Variants in SYNJ2 observed in about 807,000 individuals in gnomAD.
SYNJ2 encodes the protein polyphosphatidylinositol phosphatase SYNJ2.
A neutral mutation model predicts 141.3 loss-of-function variants in SYNJ2; 116 were observed. The observed-to-expected ratio is 0.82, with a 90% CI of 0.71 to 0.96. The LOEUF is 0.96. SYNJ2 is among the 40% of genes least tolerant of loss of function. SYNJ2 has a pLI of 0.00. For missense variants in SYNJ2, 1,873 were observed against 1,934.8 expected (o/e 0.97, Z 0.60); for synonymous variants, 745 against 777.7 (o/e 0.96, Z 0.70).
intron 8 of SYNJ2, 121 bp from the exon 9 acceptor site, chr6:158,063,670 A>AC (rs1781367767): frequency 6.2e-6 from 3 of 483,616 alleles, no homozygotes; most frequent in South Asian, 5.8e-5. Context: ...AAAAAAAAAA[A>AC]AAAAAAAAAA....
chr6:158,067,500 T>C, intron 12 of SYNJ2: 1 of 985,486 alleles, frequency 1.0e-6, no homozygotes, highest in Non-Finnish European at 1.2e-6. Context: ...CCCCAGAACT[T>C]AGGATCTGAA....
intron 5 of SYNJ2, among the ~76,000 whole-genome samples, chr6:158,049,473 C>T (rs1459758738): frequency 1.3e-5 from 2 of 152,146 alleles, no homozygotes; most frequent in African/African-American, 2.4e-5. Context: ...GGGTGAGCTC[C>T]GGAGAGAACA....
chr6:158,083,300 G>C, intron 20 of SYNJ2, 129 bp from the exon 21 acceptor site: 2 of 1,141,962 alleles, frequency 1.8e-6, no homozygotes, highest in South Asian at 1.6e-5. Context: ...CTGGACCCTT[G>C]GTTTTTCAGG....
intron 5 of SYNJ2, among the ~76,000 whole-genome samples, chr6:158,044,552 G>A (rs1298072848): frequency 6.6e-6 from 1 of 152,222 alleles, no homozygotes; most frequent in Non-Finnish European, 1.5e-5. Context: ...CCTGAGGACA[G>A]CTGTGACACA....
intron 1 of SYNJ2, among the ~76,000 whole-genome samples, chr6:158,002,599 G>A (rs1027339907): frequency 2.6e-5 from 4 of 152,232 alleles, no homozygotes; most frequent in African/African-American, 7.2e-5. Flanking sequence ...AGGCAGTGCA[G>A]CATGGAAGCC....
At chr6:158,000,078 T>A (rs1173140808) in intron 1 of SYNJ2, among the ~76,000 whole-genome samples, 4 of 53,684 alleles carry the variant, frequency 7.5e-5, no homozygotes, top group Admixed American at 1.5e-4. Context: ...TTTTTTTTTT[T>A]TTTTTTTTTT....
rs1781562840 is a variant in SYNJ2, at chr6:158,066,347, A to C, written c.1526-97A>C. On this transcript the variant is annotated intron_variant, in intron 11 of 26. Transcript: ENST00000355585. ...CCTGGTTTATCTCTAGAGGCTCATG[A>C]ACCATCTGTCTCTGCCAGGCAGCCT... The C allele has an allele frequency of 4.3e-6, 6 of 1,402,484 alleles. No homozygotes were observed. The South Asian group carries it at 7.5e-5, about 18-fold the overall frequency. The allele number at this position is 1,402,484 out of a possible 1,614,324, so 86.9% of individuals were successfully genotyped here.
chr6:158,057,040 A>G (rs1780908650), intron 6 of SYNJ2, among the ~76,000 whole-genome samples: 1 of 151,748 alleles, frequency 6.6e-6, no homozygotes, highest in Non-Finnish European at 1.5e-5. Context: ...TCCTCACAGG[A>G]CAGTGAACCC....
In SYNJ2 at chr6:157,982,601, C is replaced by T. The variant is rs916019093; in HGVS notation, c.127+513C>T. Among the ~76,000 whole-genome samples, 4 of 152,208 alleles carry T rather than the reference C, an allele frequency of 2.6e-5. No individual in the cohort carries two copies. The highest frequency in any genetic ancestry group is 5.9e-5 in the Non-Finnish European group (4 of 68,050). The stretch of plus-strand genomic sequence containing the variant: ...ACTTGGTCGAGAAGCATCGGTGCTG[C>T]AATTTATAGAACTTGTAAACAAATA... On this transcript the variant is annotated intron_variant, in intron 1 of 26. Transcript: ENST00000355585. The surrounding 1 kb of genome is among the most constrained non-coding windows in gnomAD (Gnocchi z 4.0).
intron 11 of SYNJ2, 66 bp from the exon 12 acceptor site, chr6:158,066,378 G>C (rs1781565817): frequency 2.5e-6 from 4 of 1,579,846 alleles, no homozygotes; most frequent in Admixed American, 3.4e-5. Context: ...AGCCTCATCT[G>C]TCTTTTTGGA....
intron 1 of SYNJ2, among the ~76,000 whole-genome samples, chr6:157,997,949 G>T (rs1777696700): frequency 6.6e-6 from 1 of 152,258 alleles, no homozygotes; most frequent in South Asian, 2.1e-4. Flanking sequence ...GATGACTTCA[G>T]TCGGTCAGAG....
intron 2 of SYNJ2, among the ~76,000 whole-genome samples, chr6:158,023,103 C>G (rs2128331940): frequency 6.6e-6 from 1 of 152,064 alleles, no homozygotes; most frequent in African/African-American, 2.4e-5. Context: ...ATGGTATCTA[C>G]AGCACCATGC....
intron 21 of SYNJ2, 27 bp from the exon 22 acceptor site, chr6:158,083,974 G>A (rs752914320): frequency 1.9e-5 from 31 of 1,612,994 alleles, no homozygotes; most frequent in Admixed American, 3.3e-5. Context: ...GTTTTCACCC[G>A]AATTGTGATT....
chr6:158,015,548 G>A (rs764496953), intron 1 of SYNJ2, among the ~76,000 whole-genome samples: 40 of 152,196 alleles, frequency 2.6e-4, no homozygotes, highest in African/African-American at 9.2e-4. Flanking sequence ...AACAAAACCA[G>A]TATGTTAGCT....
chr6:157,995,691 T>C (rs534469113), intron 1 of SYNJ2, among the ~76,000 whole-genome samples: 7 of 152,032 alleles, frequency 4.6e-5, no homozygotes, highest in Non-Finnish European at 1.0e-4. Flanking sequence ...GACGGGGAGT[T>C]GGTGAAATAA....
intron 1 of SYNJ2, among the ~76,000 whole-genome samples, chr6:158,011,711 C>G (rs1261136372): frequency 6.6e-6 from 1 of 152,202 alleles, no homozygotes; most frequent in Non-Finnish European, 1.5e-5. Context: ...CTTCCCACCC[C>G]TCAAGTGTGG....
At chr6:158,073,206 T>G (rs1413922689) in intron 15 of SYNJ2, among the ~76,000 whole-genome samples, 1 of 152,126 alleles carries the variant, frequency 6.6e-6, no homozygotes, top group Non-Finnish European at 1.5e-5. Context: ...TTCTTTTTTG[T>G]TTTTGTTTTT....
chr6:158,025,979 GCATACATACATACATACGTA>G (rs995552568), intron 2 of SYNJ2, among the ~76,000 whole-genome samples: 2 of 133,834 alleles, frequency 1.5e-5, no homozygotes, highest in African/African-American at 5.6e-5. Context: ...AATAATACAT[GCATACATACATACATACGTA>G]CATACATACA....
intron 12 of SYNJ2, chr6:158,067,851 C>G (rs1417940336): frequency 1.0e-6 from 1 of 985,204 alleles, no homozygotes; most frequent in Non-Finnish European, 1.2e-6. Flanking sequence ...AGAAGCCATT[C>G]AGGATGCCCT....
Sources: gnomAD v4.1 joint callset for allele counts (sites outside exome capture counted in the v4.1 genomes callset) on GRCh38, gnomAD v4.1.1 for gene constraint, Gnocchi (gnomAD v3.1) non-coding constraint, MANE v1.5 for transcripts, NCBI Gene and HGNC (gene_info 2026-07-23, HGNC 2026-07-21) for gene names.